RAD51B: variants seen among roughly 807,000 people sequenced by gnomAD.
The protein encoded by RAD51B is RAD51 paralog B, also known as DNA repair protein RAD51 homolog 2.
In RAD51B, 38 loss-of-function variants were observed where a neutral mutation model predicts 42.2. The observed-to-expected ratio is 0.90, with a 90% CI of 0.70 to 1.18. The LOEUF (loss-of-function observed/expected upper bound fraction) is 1.18, where lower values mean the gene tolerates loss of function less well. Among genes scored for constraint, RAD51B ranks in the 50% most tolerant of loss-of-function variants. The pLI is 0.00. For synonymous variants in RAD51B, 154 were observed against 145.2 expected (o/e 1.06, Z -0.43); for missense variants, 373 against 400.7 (o/e 0.93, Z 0.59).
chr14:68,038,588 G>A (rs1566597146), intron 7 of RAD51B, among the ~76,000 whole-genome samples: 1 of 151,920 alleles, frequency 6.6e-6, no homozygotes, highest in Non-Finnish European at 1.5e-5. Flanking sequence ...TATTTTTATT[G>A]TCATTTCTTT....
chr14:68,336,001 CA>C (rs1304971621), intron 8 of RAD51B, among the ~76,000 whole-genome samples: 1 of 152,180 alleles, frequency 6.6e-6, no homozygotes, highest in East Asian at 1.9e-4. Context: ...TTGGCTCTGC[CA>C]CTTCCAGCTG....
intron 7 of RAD51B, among the ~76,000 whole-genome samples, chr14:68,175,336 AT>A (rs2140869008): frequency 6.6e-6 from 1 of 152,322 alleles, no homozygotes; most frequent in African/African-American, 2.4e-5. Flanking sequence ...AAGCAGAGCA[AT>A]TTAAGTACTG....
chr14:68,564,526 C>T (rs371697555), intron 10 of RAD51B, among the ~76,000 whole-genome samples: 5 of 152,298 alleles, frequency 3.3e-5, no homozygotes, highest in African/African-American at 4.8e-5. Flanking sequence ...CAGGCCTGAG[C>T]GGGCAGCTGG....
chr14:68,478,997 A>G (rs940971673), downstream of RAD51B, among the ~76,000 whole-genome samples: 2 of 152,218 alleles, frequency 1.3e-5, no homozygotes, highest in Non-Finnish European at 2.9e-5. Flanking sequence ...AGCCCCGGGC[A>G]GCAAGGGCAA....
At chr14:68,662,265 C>T (rs946543668) in intron 11 of RAD51B, among the ~76,000 whole-genome samples, 3 of 152,252 alleles carry the variant, frequency 2.0e-5, no homozygotes, top group African/African-American at 7.2e-5. Flanking sequence ...TTCACACCTG[C>T]CCCATCCCGG....
At chr14:68,660,156 C>G (rs1049646053) in intron 11 of RAD51B, among the ~76,000 whole-genome samples, 6 of 152,334 alleles carry the variant, frequency 3.9e-5, no homozygotes, top group Middle Eastern at 6.8e-3. Flanking sequence ...AAGGGGGCAC[C>G]ACCACTCAGT....
At chr14:68,504,218 G>C (rs1885121046) in intron 10 of RAD51B, among the ~76,000 whole-genome samples, 1 of 152,096 alleles carries the variant, frequency 6.6e-6, no homozygotes, top group Non-Finnish European at 1.5e-5. Flanking sequence ...ACCTCCAGTT[G>C]TATTTCCTGA....
exon 11 of RAD51B, chr14:68,611,306 T>C (rs1202580570): frequency 1.0e-5 from 7 of 696,626 alleles, no homozygotes; most frequent in Admixed American, 6.0e-5. Flanking sequence ...ACAGCAACTA[T>C]AATTCTACTT....
intron 5 of RAD51B, among the ~76,000 whole-genome samples, chr14:67,878,289 T>C (rs977380232): frequency 1.3e-5 from 2 of 151,198 alleles, no homozygotes; most frequent in African/African-American, 4.9e-5. Flanking sequence ...TAGCTCATTG[T>C]TTTAACTATT....
At chr14:68,611,261 T>C (rs1401163888) in exon 11 of RAD51B, 1 of 702,160 alleles carries the variant, frequency 1.4e-6, no homozygotes, top group Non-Finnish European at 2.6e-6. Context: ...AGCCTAGTTT[T>C]TCACCACGAC....
chr14:67,968,964 G>T (rs2074840851), intron 7 of RAD51B, among the ~76,000 whole-genome samples: 2 of 152,178 alleles, frequency 1.3e-5, no homozygotes, highest in Non-Finnish European at 1.5e-5. Context: ...TGACTGGGGA[G>T]GCCTGAGAAT....
chr14:68,648,063 A>G (rs139894093), intron 10 of RAD51B, among the ~76,000 whole-genome samples: 4,657 of 125,126 alleles, frequency 0.037, 397 homozygotes, highest in Middle Eastern at 0.055. Flanking sequence ...GTGTGTGTGT[A>G]TATATATATA....
At chr14:68,221,178 C>A (rs2079918964) in intron 7 of RAD51B, among the ~76,000 whole-genome samples, 1 of 152,092 alleles carries the variant, frequency 6.6e-6, no homozygotes, top group African/African-American at 2.4e-5. Flanking sequence ...ACATTCTTCA[C>A]AGAACTAGAA....
Position 67,910,972 on chromosome 14 carries a change from C to T in RAD51B, c.756+23768C>T, listed in dbSNP as rs147319192. On this transcript the variant is annotated intron_variant, in intron 7 of 10. Coordinates refer to ENST00000471583, the MANE Select transcript of RAD51B (RefSeq NM_133510.4). ...GACCACAGGCATGCTCCACCACACCCGGCTAATTTTTGTATATGTATTTTT... is the reference window on the plus strand; with the variant it reads ...GACCACAGGCATGCTCCACCACACCTGGCTAATTTTTGTATATGTATTTTT... Among the ~76,000 whole-genome samples, 415 of 152,058 alleles carry T rather than the reference C, an allele frequency of 2.7e-3. 4 individuals carry two copies. The highest frequency in any genetic ancestry group is 8.8e-3 in the African/African-American group (364 of 41,484).
chr14:68,145,894 T>C (rs1386836038), intron 7 of RAD51B, among the ~76,000 whole-genome samples: 1 of 152,252 alleles, frequency 6.6e-6, no homozygotes, highest in Admixed American at 6.5e-5. Flanking sequence ...ATATATAGTC[T>C]ATGTAGAATA....
chr14:68,037,802 C>G (rs75802444), intron 7 of RAD51B, among the ~76,000 whole-genome samples: 1 of 152,066 alleles, frequency 6.6e-6, no homozygotes, highest in Non-Finnish European at 1.5e-5. Context: ...TAAATTTTTC[C>G]GTATGTTCTG....
chr14:68,117,752 A>G (rs1047646276), intron 7 of RAD51B, among the ~76,000 whole-genome samples: 5 of 152,184 alleles, frequency 3.3e-5, no homozygotes, highest in African/African-American at 1.2e-4. Flanking sequence ...ACCATAAGGT[A>G]ATGAGGAGTG....
intron 7 of RAD51B, among the ~76,000 whole-genome samples, chr14:68,060,215 A>G (rs930282369): frequency 1.1e-4 from 16 of 152,356 alleles, no homozygotes; most frequent in African/African-American, 3.8e-4. Context: ...ATATGTATGC[A>G]CATGTTCCCA....
chr14:67,904,259 G>T (rs2043706852), intron 7 of RAD51B, among the ~76,000 whole-genome samples: 1 of 151,900 alleles, frequency 6.6e-6, no homozygotes, highest in South Asian at 2.1e-4. Context: ...TATTCCTTTG[G>T]TTATATACCT....
Sources: gnomAD v4.1 joint callset for allele counts (sites outside exome capture counted in the v4.1 genomes callset) on GRCh38, gnomAD v4.1.1 for gene constraint, MANE v1.5 for transcripts, NCBI Gene and HGNC (gene_info 2026-07-23, HGNC 2026-07-21) for gene names.